The following PTPN21 variants were observed in gnomAD, a reference collection of about 807,000 sequenced individuals.
PTPN21 encodes the protein protein tyrosine phosphatase non-receptor type 21, also known as tyrosine-protein phosphatase non-receptor type 21.
In PTPN21, 77 loss-of-function variants were observed where a neutral mutation model predicts 131.8. The observed-to-expected ratio is 0.58, with a 90% CI of 0.49 to 0.71. The LOEUF (loss-of-function observed/expected upper bound fraction) is 0.71, where lower values mean the gene tolerates loss of function less well. Ranked by LOEUF, PTPN21 falls within the 30% of genes least tolerant of loss-of-function variation. The pLI is 0.00. For synonymous variants in PTPN21, 715 were observed against 621.3 expected (o/e 1.15, Z -2.24); for missense variants, 1,552 against 1,527.1 (o/e 1.02, Z -0.27).
intron 2 of PTPN21, among the ~76,000 whole-genome samples, chr14:88,525,049 C>T (rs1356303384): frequency 6.6e-6 from 1 of 151,778 alleles, no homozygotes; most frequent in Non-Finnish European, 1.5e-5. Context: ...TTGAGACAAT[C>T]GTGGACAACA....
chr14:88,516,771 C>G (rs922012385), intron 3 of PTPN21, among the ~76,000 whole-genome samples: 4 of 152,192 alleles, frequency 2.6e-5, no homozygotes, highest in Non-Finnish European at 5.9e-5. Context: ...AATCTCTTCT[C>G]TCCTTTCCTT....
At chr14:88,512,588 C>G (rs1446242359) in intron 3 of PTPN21, 1 of 152,190 alleles carries the variant, frequency 6.6e-6, no homozygotes, top group African/African-American at 2.4e-5. Context: ...TTCCTGAAAA[C>G]TAATCATTAG....
Position 88,479,694 on chromosome 14 carries a change from T to TGGTTTTTTCC in PTPN21, c.1736_1737insGGAAAAAACC (p.Asp580GlufsTer122). On this transcript the variant is annotated frameshift_variant, in exon 13 of 19. Coordinates refer to ENST00000556564, the MANE Select transcript of PTPN21 (RefSeq NM_007039.4). LOFTEE classifies it high-confidence loss of function. ...TGATGTAAAGGTGGCGGGACAGGTC[T>TGGTTTTTTCC]GGCGTGCTGTTGGCGGGCCTGGGGG... The TGGTTTTTTCC allele has an allele frequency of 1.8e-6, 2 of 1,085,018 alleles. No individual in the cohort carries two copies. The highest frequency in any genetic ancestry group is 2.4e-6 in the Non-Finnish European group (2 of 848,406). The allele number at this position is 1,085,018 out of a possible 1,614,324, so 67.2% of individuals were successfully genotyped here.
At chr14:88,550,066 G>C (rs998409780) in intron 2 of PTPN21, among the ~76,000 whole-genome samples, 172 bp downstream of exon 2, 2 of 152,044 alleles carry the variant, frequency 1.3e-5, no homozygotes, top group African/African-American at 4.8e-5. Flanking sequence ...TTACAGGTGT[G>C]AGCCACTGCG....
At chr14:88,547,564 G>C (rs2078801361) in intron 2 of PTPN21, 2 of 422,900 alleles carry the variant, frequency 4.7e-6, no homozygotes, top group East Asian at 7.7e-5. Flanking sequence ...AAGGCAAAAG[G>C]ATCACTTGAG....
chr14:88,469,055 G>C lies in PTPN21; in HGVS notation c.3257C>G (p.Ser1086Cys). Residue 1086 changes from serine to cysteine, a missense_variant, in exon 18 of 19, where the codon TCT becomes TGT. Ser to Cys is a moderately radical substitution (Grantham distance 112). Coordinates refer to ENST00000556564, the MANE Select transcript of PTPN21 (RefSeq NM_007039.4). The surrounding 1 kb of genome is among the most constrained non-coding windows in gnomAD (Gnocchi z 4.3). ...GFLSYLEEIQ[S>C]VRRHTNSTSD... ...TGTGCTATTTGTATGGCGTCGAACA[G>C]ACTGGATCTCTTCAAGATATGCTGT... The C allele has an allele frequency of 1.2e-6, 2 of 1,613,312 alleles. No individual in the cohort carries two copies.
rs1246256583 is a variant in PTPN21 at position 88,466,864 on chromosome 14, A to G, written c.*1273T>C. 1.3e-5 allele frequency: 2 copies of G among 152,208 alleles called. No individual in the cohort carries two copies. The highest frequency in any genetic ancestry group is 2.9e-5 in the Non-Finnish European group (2 of 68,044). 9.4% of individuals were successfully genotyped at this position (152,208 alleles called of 1,614,324 possible). ...CTTTTTGGGAGAAGAGGTGAAAACT[A>G]TTATTAACTATTCCCTTCCTTCAAC... is the stretch of plus-strand genomic sequence containing the variant. On this transcript the variant is annotated 3_prime_UTR_variant, in exon 19 of 19. Coordinates refer to ENST00000556564, the MANE Select transcript of PTPN21 (RefSeq NM_007039.4).
At chr14:88,491,943 G>C (rs914593685) in intron 10 of PTPN21, among the ~76,000 whole-genome samples, 4 of 151,722 alleles carry the variant, frequency 2.6e-5, no homozygotes, top group Non-Finnish European at 5.9e-5. Context: ...AACTAGAGCT[G>C]AATTTCTAAG....
chr14:88,535,632 G>A (rs2078620252), intron 2 of PTPN21, among the ~76,000 whole-genome samples: 1 of 152,160 alleles, frequency 6.6e-6, no homozygotes, highest in South Asian at 2.1e-4. Context: ...TAGCAGATAG[G>A]ATCTCTTCAG....
intron 1 of PTPN21, chr14:88,551,971 G>A (rs992727265): frequency 6.6e-6 from 1 of 152,266 alleles, no homozygotes; most frequent in Non-Finnish European, 1.5e-5. Flanking sequence ...AGGGTCCTGA[G>A]ACGGTTCCCT....
At chr14:88,503,938 A>T (rs2078050030) in intron 6 of PTPN21, 1 of 153,574 alleles carries the variant, frequency 6.5e-6, no homozygotes, top group Non-Finnish European at 1.4e-5. Context: ...GGTATGCAGA[A>T]GCATAGTTCA....
At chr14:88,539,089 CTT>C (rs768228840) in intron 2 of PTPN21, among the ~76,000 whole-genome samples, 3 of 143,490 alleles carry the variant, frequency 2.1e-5, no homozygotes. Flanking sequence ...CTTTTCTTTC[CTT>C]TTTTTTTTTT....
chr14:88,496,533 A>G (rs758302518), intron 9 of PTPN21, 41 bp from the exon 10 acceptor site: 5 of 1,395,726 alleles, frequency 3.6e-6, no homozygotes, highest in Non-Finnish European at 5.1e-6. Context: ...GAAAGCACAC[A>G]TACAACTTGA....
In PTPN21 at chr14:88,466,280, A is replaced by G. The variant is rs2077361992; in HGVS notation, c.*1857T>C. 6.6e-6 allele frequency: 1 copy of G among 152,220 alleles called. No individual in the cohort carries two copies. The highest frequency in any genetic ancestry group is 1.5e-5 in the Non-Finnish European group (1 of 68,044). 9.4% of individuals were successfully genotyped at this position (152,220 alleles called of 1,614,324 possible). ...AATTTTTTAATTTTGTAAAATAAAA[A>G]TGTAAAATTTTAATTTTGTTCCTAC... On this transcript the variant is annotated 3_prime_UTR_variant, in exon 19 of 19. Transcript: ENST00000556564.
chr14:88,509,564 T>C (rs1441665047), intron 3 of PTPN21, among the ~76,000 whole-genome samples: 1 of 152,194 alleles, frequency 6.6e-6, no homozygotes, highest in African/African-American at 2.4e-5. Flanking sequence ...TTTCCCTCTA[T>C]AGCTAATGGG....
chr14:88,537,697 G>A (rs1566850439), intron 2 of PTPN21, among the ~76,000 whole-genome samples: 1 of 152,170 alleles, frequency 6.6e-6, no homozygotes, highest in Non-Finnish European at 1.5e-5. Context: ...AGTAAACTAG[G>A]ATTAAAGGGG....
chr14:88,523,703 ACCC>A (rs904454634), intron 2 of PTPN21, among the ~76,000 whole-genome samples: 7 of 129,652 alleles, frequency 5.4e-5, no homozygotes, highest in Non-Finnish European at 1.1e-4. Flanking sequence ...CTCCAAATCC[ACCC>A]CCCAACCGTG....
chr14:88,528,512 T>C (rs575316223), intron 2 of PTPN21, among the ~76,000 whole-genome samples: 33 of 152,362 alleles, frequency 2.2e-4, no homozygotes, highest in African/African-American at 7.9e-4. Context: ...ATCCTAAAAC[T>C]TTACTGATAT....
In PTPN21 at chr14:88,550,635, C is replaced by G. The variant is rs1251356434; in HGVS notation, c.-202-16G>C. ...GACGCCAGCGCTGGGGAAAGAGGAA[C>G]GCCGTTAGTTAAGCAAACGTAACGC... On this transcript the variant is annotated splice_polypyrimidine_tract_variant and intron_variant, in intron 1 of 18. Transcript: ENST00000556564. 2.1e-6 allele frequency: 1 copy of G among 484,832 alleles called. No individual in the cohort carries two copies. Among genetic ancestry groups the G allele is most frequent in the Admixed American group, 3.7e-5 (1 of 26,922 alleles). The allele number at this position is 484,832 out of a possible 1,614,324, so 30.0% of individuals were successfully genotyped here. A position where few individuals can be genotyped will look rare whatever the true frequency, so the allele number is the denominator to read the frequency against.
Sources: gnomAD v4.1 joint callset for allele counts (sites outside exome capture counted in the v4.1 genomes callset) on GRCh38, gnomAD v4.1.1 for gene constraint, Gnocchi (gnomAD v3.1) non-coding constraint, MANE v1.5 for transcripts, NCBI Gene and HGNC (gene_info 2026-07-23, HGNC 2026-07-21) for gene names.